Variants in UMAD1 observed in about 807,000 individuals in gnomAD.
The protein encoded by UMAD1 is UBAP1-MVB12-associated (UMA)-domain containing protein 1.
A neutral mutation model predicts 6.1 loss-of-function variants in UMAD1; 8 were observed. The observed-to-expected ratio is 1.30, with a 90% confidence interval of 0.76 to 2.35. The LOEUF (loss-of-function observed/expected upper bound fraction) is 2.35. Among genes scored for constraint, UMAD1 ranks in the 30% most tolerant of loss-of-function variants. The probability of loss-of-function intolerance (pLI) is 0.00; values close to 1 mark genes in which losing one functional copy is unlikely to be tolerated. For missense variants in UMAD1, 130 were observed against 78.4 expected, an observed-to-expected ratio of 1.66 and a Z score of -2.49; for synonymous variants, 56 against 31.4, an observed-to-expected ratio of 1.78 and a Z score of -2.61.
chr7:7,752,873 C>T (rs1781704478), intron 2 of UMAD1, among the ~76,000 whole-genome samples: 1 of 151,910 alleles, frequency 6.6e-6, no homozygotes, highest in Non-Finnish European at 1.5e-5. Flanking sequence ...ATTTTGTATT[C>T]ATAATTTTGT....
intron 3 of UMAD1, among the ~76,000 whole-genome samples, chr7:7,845,409 G>A (rs1034582874): frequency 6.6e-6 from 1 of 152,008 alleles, no homozygotes; most frequent in African/African-American, 2.4e-5. Context: ...AAACCTCATA[G>A]AATTTAGAGA....
intron 3 of UMAD1, among the ~76,000 whole-genome samples, chr7:7,815,842 A>G (rs771857680): frequency 6.6e-6 from 1 of 152,200 alleles, no homozygotes; most frequent in Admixed American, 6.5e-5. Context: ...AATATTGGGT[A>G]GGCTACAAGA....
At chr7:7,732,958 G>T (rs1409712959) in intron 2 of UMAD1, among the ~76,000 whole-genome samples, 1 of 152,146 alleles carries the variant, frequency 6.6e-6, no homozygotes, top group Non-Finnish European at 1.5e-5. Flanking sequence ...ATATTAAATT[G>T]TGTGAAACAA....
chr7:7,756,794 G>C (rs181352597), intron 2 of UMAD1, among the ~76,000 whole-genome samples: 175 of 152,304 alleles, frequency 1.1e-3, no homozygotes, highest in Non-Finnish European at 1.9e-3. Context: ...CACTTATACT[G>C]TTTTACCAAT....
intron 1 of UMAD1, among the ~76,000 whole-genome samples, chr7:7,660,474 G>C (rs1383867521): frequency 1.3e-5 from 2 of 152,180 alleles, no homozygotes; most frequent in Non-Finnish European, 2.9e-5. Context: ...GTTTCCTTCA[G>C]GAGTTCTTGT....
intron 2 of UMAD1, among the ~76,000 whole-genome samples, chr7:7,790,428 C>T (rs753183952): frequency 9.9e-5 from 15 of 152,200 alleles, no homozygotes; most frequent in Admixed American, 7.9e-4. Context: ...GTATTGTAGC[C>T]CAACTAAAAG....
At chr7:7,824,432 C>T (rs578247112) in intron 3 of UMAD1, among the ~76,000 whole-genome samples, 1 of 152,178 alleles carries the variant, frequency 6.6e-6, no homozygotes, top group South Asian at 2.1e-4. Context: ...TCATTTTTCC[C>T]TCTGACTGCA....
At chr7:7,859,867 T>A (rs1468588094) in intron 3 of UMAD1, among the ~76,000 whole-genome samples, 1 of 152,252 alleles carries the variant, frequency 6.6e-6, no homozygotes, top group Non-Finnish European at 1.5e-5. Context: ...TTCACTAGAC[T>A]GTATTTTCCT....
In UMAD1 at chr7:7,805,646, A is replaced by G. The variant is rs560010857; in HGVS notation, c.156+3903A>G. 2.6e-5 allele frequency among the ~76,000 whole-genome samples: 4 copies of G among 151,432 alleles called. No homozygotes were observed. In the East Asian group the frequency reaches 7.8e-4, roughly 30 times the overall value. On this transcript the variant is annotated intron_variant, in intron 3 of 3. Transcript: ENST00000682710. ...TGCAGTGGGCTACAAGGAACTCCAT[A>G]CTCTCTCTAATCTCATTTTTCTCCC...
intron 1 of UMAD1, among the ~76,000 whole-genome samples, chr7:7,656,131 G>A (rs1785336569): frequency 6.6e-6 from 1 of 151,848 alleles, no homozygotes. Context: ...CACTGCGCCT[G>A]GCCAGGACAG....
chr7:7,709,176 G>C (rs1780685733), intron 2 of UMAD1, among the ~76,000 whole-genome samples: 1 of 152,160 alleles, frequency 6.6e-6, no homozygotes, highest in Non-Finnish European at 1.5e-5. Flanking sequence ...GTTTGAAATT[G>C]ACTGTCTTTG....
intron 2 of UMAD1, among the ~76,000 whole-genome samples, chr7:7,783,939 G>C (rs1475501486): frequency 6.6e-6 from 1 of 152,144 alleles, no homozygotes. Context: ...TGAAATTAAA[G>C]ATGAAGAAGA....
intron 2 of UMAD1, among the ~76,000 whole-genome samples, chr7:7,781,950 T>C (rs1235994217): frequency 6.6e-6 from 1 of 152,120 alleles, no homozygotes; most frequent in African/African-American, 2.4e-5. Flanking sequence ...AGTTCTCAAC[T>C]ATTTTCTCTA....
intron 1 of UMAD1, among the ~76,000 whole-genome samples, chr7:7,665,948 G>T (rs1182663173): frequency 6.6e-6 from 1 of 151,476 alleles, no homozygotes; most frequent in Non-Finnish European, 1.5e-5. Context: ...GGACATTTGG[G>T]TTGTTTCCAT....
At chr7:7,674,820 T>G (rs1779699337) in intron 2 of UMAD1, among the ~76,000 whole-genome samples, 1 of 152,156 alleles carries the variant, frequency 6.6e-6, no homozygotes, top group Non-Finnish European at 1.5e-5. Context: ...ACAGAAAACT[T>G]CAGGGGTACA....
chr7:7,830,922 C>A lies in UMAD1; in HGVS notation c.156+29179C>A, dbSNP rs543796506. On this transcript the variant is annotated intron_variant, in intron 3 of 3. Coordinates refer to ENST00000682710, the MANE Select transcript of UMAD1 (RefSeq NM_001302348.2). The surrounding 1 kb of genome is among the most constrained non-coding windows in gnomAD (Gnocchi z 5.3). ...AATAAGCCAATCACCCAAACATTTC[C>A]TCATGTGGCTACAAGAATATTTTTT... Among the ~76,000 whole-genome samples the A allele has an allele frequency of 3.9e-5, 6 of 152,028 alleles. No homozygotes were observed. The highest frequency in any genetic ancestry group is 7.4e-5 in the Non-Finnish European group (5 of 68,000).
Position 7,649,815 on chromosome 7 carries a change from C to G in UMAD1, c.-64+8994C>G, listed in dbSNP as rs1785184849. ...TGGCATATAGTATTAGGAGGTAAGG[C>G]CTTTGAGAGGGCACATGAATTGGAT... On this transcript the variant is annotated intron_variant, in intron 1 of 3. Coordinates refer to ENST00000682710, the MANE Select transcript of UMAD1 (RefSeq NM_001302348.2). Among the ~76,000 whole-genome samples the G allele has an allele frequency of 2.0e-5, 3 of 152,220 alleles. No individual in the cohort carries two copies. In the East Asian group the frequency reaches 5.8e-4, roughly 29 times the overall value.
chr7:7,794,706 T>G (rs952049100), intron 2 of UMAD1, among the ~76,000 whole-genome samples: 1 of 152,096 alleles, frequency 6.6e-6, no homozygotes, highest in Non-Finnish European at 1.5e-5. Flanking sequence ...GAAATAAAAA[T>G]ATTTTACCCT....
intron 3 of UMAD1, among the ~76,000 whole-genome samples, chr7:7,865,689 G>C (rs1160171240): frequency 6.6e-6 from 1 of 152,178 alleles, no homozygotes; most frequent in Admixed American, 6.5e-5. Flanking sequence ...CCCTGTTGCT[G>C]TTCATGTCCA....
Sources: gnomAD v4.1 joint callset for allele counts (sites outside exome capture counted in the v4.1 genomes callset) on GRCh38, gnomAD v4.1.1 for gene constraint, Gnocchi (gnomAD v3.1) non-coding constraint, MANE v1.5 for transcripts, NCBI Gene and HGNC (gene_info 2026-07-23, HGNC 2026-07-21) for gene names.